SZT2: variants seen among roughly 807,000 people sequenced by gnomAD.
SZT2 encodes the protein KICSTOR complex protein SZT2.
In SZT2, 216 loss-of-function variants were observed where a neutral mutation model predicts 404.2. That is an observed-to-expected ratio of 0.53 (90% confidence interval 0.48 to 0.60). SZT2 has a LOEUF of 0.60. Ranked by LOEUF, SZT2 falls within the 20% of genes least tolerant of loss-of-function variation. The probability of loss-of-function intolerance (pLI) is 0.00; values close to 1 mark genes in which losing one functional copy is unlikely to be tolerated. For missense variants in SZT2, 3,857 were observed against 4,459.2 expected, an observed-to-expected ratio of 0.86 and a Z score of 3.85; for synonymous variants, 1,693 against 1,749.9, an observed-to-expected ratio of 0.97 and a Z score of 0.81.
Position 43,431,831 on chromosome 1 carries a change from C to A in SZT2, c.5204C>A (p.Thr1735Asn), listed in dbSNP as rs968648373. The A allele has an allele frequency of 6.2e-7, 1 of 1,614,112 alleles. No individual in the cohort carries two copies. The highest frequency in any genetic ancestry group is 8.5e-7 in the Non-Finnish European group (1 of 1,180,046). Residue 1735 changes from threonine (T) to asparagine (N), a missense_variant, in exon 36 of 72, where the codon ACC becomes AAC. Thr to Asn is a moderately conservative substitution (Grantham distance 65). This residue lies in a region of SZT2 where 1,725 missense variants were observed against 1,881.0 expected (regional missense o/e 0.92). Coordinates refer to ENST00000634258, the MANE Select transcript of SZT2 (RefSeq NM_001365999.1). Reference protein sequence around the residue: ...AHIHSSPGRSTCLRQTLPLSF... With the variant: ...AHIHSSPGRSNCLRQTLPLSF... The stretch of plus-strand genomic sequence containing the variant: ...ATCCATAGTTCTCCTGGACGCTCCA[C>A]CTGCCTTCGCCAAACTCTGCCACTG...
In SZT2 at chr1:43,453,642, G is replaced by T; in HGVS notation, c.*3162G>T. On this transcript the variant is annotated 3_prime_UTR_variant, in exon 72 of 72. Transcript: ENST00000634258. ...AAGCCGCAGCCCCGCTTCTCGCGCG[G>T]CGCGCGCCAGCGCCTCAGGCGTCTC... The T allele has an allele frequency of 6.7e-7, 1 of 1,490,340 alleles. No homozygotes were observed. 92.3% of individuals were successfully genotyped at this position (1,490,340 alleles called of 1,614,324 possible). A position where few individuals can be genotyped will look rare whatever the true frequency, so the allele number is the denominator to read the frequency against.
In SZT2 at chr1:43,431,783, C is replaced by T. The variant is rs2153934069; in HGVS notation, c.5156C>T (p.Ala1719Val). 2 of 1,614,238 alleles carry T rather than the reference C, an allele frequency of 1.2e-6. No homozygotes were observed. The highest frequency in any genetic ancestry group is 2.2e-5 in the South Asian group (2 of 91,092). Residue 1719 changes from alanine (A) to valine (V), a missense_variant, in exon 36 of 72, where the codon GCC (alanine) becomes GTC (valine). Ala to Val is a moderately conservative substitution (Grantham distance 64). Coordinates refer to ENST00000634258, the MANE Select transcript of SZT2 (RefSeq NM_001365999.1). Reference sequence around the variant, plus strand: ...AGAGGGGGCATCCCACAGAGTCCTGCCCTGCACCGCGCAGCTGCCCATATC... The same window carrying T: ...AGAGGGGGCATCCCACAGAGTCCTGTCCTGCACCGCGCAGCTGCCCATATC... Reference protein sequence around the residue: ...LRRGGIPQSPALHRAAAHIHS... With the variant: ...LRRGGIPQSPVLHRAAAHIHS...
intron 42 of SZT2, chr1:43,436,893 G>GCCTC (rs1254417538): frequency 4.1e-6 from 2 of 490,606 alleles, no homozygotes; most frequent in African/African-American, 3.8e-5. Context: ...TGATCTTGAG[G>GCCTC]ATTTCCTCAT....
Position 43,441,372 on chromosome 1 carries a change from G to C in SZT2, c.7503G>C (p.Gln2501His). 1 of 1,614,168 alleles carries C rather than the reference G, an allele frequency of 6.2e-7. No homozygotes were observed. The highest frequency in any genetic ancestry group is 1.1e-5 in the South Asian group (1 of 91,078). ...CGCCAGGCTCAGATTCTGGAGCCCA[G>C]AGACAAAAGTATGTGTGTGGTGGTG... ...ERAPGSDSGA[Q>H]RQKRRTTQLE... Residue 2501 changes from glutamine (Q) to histidine (H), a missense_variant, in exon 53 of 72, where the codon CAG becomes CAC. Gln to His is a conservative substitution (Grantham distance 24). Around this residue, in one of 7 missense-constraint regions of SZT2, gnomAD observed 573 missense variants for 592.4 expected, o/e 0.97. Transcript: ENST00000634258. This position sits in a 1 kb window ranked among gnomAD's most constrained non-coding sequence, Gnocchi z 4.8.
In SZT2 at chr1:43,440,346, C is replaced by G; in HGVS notation, c.7211-107C>G. The stretch of plus-strand genomic sequence containing the variant: ...AGTTGTATATACTGTCATTCACTGA[C>G]AGGTAGAATAGGTGGCAAGTCACTG... On this transcript the variant is annotated intron_variant, in intron 51 of 71. Transcript: ENST00000634258. 1.3e-5 allele frequency: 19 copies of G among 1,453,784 alleles called. No homozygotes were observed. In the South Asian group the frequency reaches 2.6e-4, roughly 20 times the overall value. 90.1% of individuals were successfully genotyped at this position (1,453,784 alleles called of 1,614,324 possible).
In SZT2 at chr1:43,442,302, T is replaced by G. The variant is rs1338447076; in HGVS notation, c.7908T>G (p.Gly2636=). The G allele has an allele frequency of 1.2e-6, 2 of 1,613,206 alleles. No individual in the cohort carries two copies. Among genetic ancestry groups the G allele is most frequent in the Non-Finnish European group, 1.7e-6 (2 of 1,179,830 alleles). ...AKAMQRFEPG[G]DGSSGRNAPR... The stretch of plus-strand genomic sequence containing the variant: ...CCATGCAGCGCTTCGAGCCAGGAGG[T>G]GATGGGAGCTCAGGGCGAAATGCTC... The change falls in exon 57 of 72, where the codon GGT becomes GGG. Residue 2636 remains glycine (G), a synonymous_variant. Coordinates refer to ENST00000634258, the MANE Select transcript of SZT2 (RefSeq NM_001365999.1). This position sits in a 1 kb window ranked among gnomAD's most constrained non-coding sequence, Gnocchi z 4.5.
rs1314666298 is a variant in SZT2, at chr1:43,448,886, A to G, written c.10086+158A>G. 2.9e-6 allele frequency: 2 copies of G among 690,034 alleles called. No individual in the cohort carries two copies. The highest frequency in any genetic ancestry group is 2.4e-5 in the Admixed American group (1 of 42,252). 42.7% of individuals were successfully genotyped at this position (690,034 alleles called of 1,614,324 possible). A position where few individuals can be genotyped will look rare whatever the true frequency, so the allele number is the denominator to read the frequency against. On this transcript the variant is annotated intron_variant, in intron 70 of 71. Coordinates refer to ENST00000634258, the MANE Select transcript of SZT2 (RefSeq NM_001365999.1). This position sits in a 1 kb window ranked among gnomAD's most constrained non-coding sequence, Gnocchi z 4.2. ...ATGTAAAACCCTTCCAGTACCGGGCATCGAGCTACAGCATGTGATTCTCTG... is the reference window on the plus strand; with the variant it reads ...ATGTAAAACCCTTCCAGTACCGGGCGTCGAGCTACAGCATGTGATTCTCTG...
At position 43,450,659 on chromosome 1, in the gene SZT2, C is replaced by T. The variant is rs945905057; in HGVS notation, c.*179C>T. ...GCTGCCCCAGCCTGGCAGCAGGAAC[C>T]GCCCTCCCCAAACACCCACAGCCAC... On this transcript the variant is annotated 3_prime_UTR_variant, in exon 72 of 72. Coordinates refer to ENST00000634258, the MANE Select transcript of SZT2 (RefSeq NM_001365999.1). This position sits in a 1 kb window ranked among gnomAD's most constrained non-coding sequence, Gnocchi z 4.3. The T allele has an allele frequency of 1.4e-5, 13 of 959,932 alleles. No individual in the cohort carries two copies. The highest frequency in any genetic ancestry group is 5.0e-5 in the East Asian group (2 of 39,648). 59.5% of individuals were successfully genotyped at this position (959,932 alleles called of 1,614,324 possible). A position where few individuals can be genotyped will look rare whatever the true frequency, so the allele number is the denominator to read the frequency against.
chr1:43,425,370 C>T lies in SZT2; in HGVS notation c.2646-104C>T. ...CAGGCAGACGCTGGTCTGGGAAGGC[C>T]TTGTATGACTCGTGGCTGTCCTCTG... On this transcript the variant is annotated intron_variant, in intron 18 of 71. Coordinates refer to ENST00000634258, the MANE Select transcript of SZT2 (RefSeq NM_001365999.1). This position sits in a 1 kb window ranked among gnomAD's most constrained non-coding sequence, Gnocchi z 4.3. The T allele has an allele frequency of 6.5e-7, 1 of 1,549,388 alleles. No individual in the cohort carries two copies. Among genetic ancestry groups the T allele is most frequent in the South Asian group, 1.2e-5 (1 of 82,972 alleles).
chr1:43,424,869 G>T lies in SZT2; in HGVS notation c.2550+7G>T. On this transcript the variant is annotated splice_region_variant and intron_variant, in intron 17 of 71. Transcript: ENST00000634258. This position sits in a 1 kb window ranked among gnomAD's most constrained non-coding sequence, Gnocchi z 4.1. Reference sequence around the variant, plus strand: ...TCTGGAGCTTCCAATTCAGGTACGTGCCATCCCCCATGACACCTCCCTGCC... The same window carrying T: ...TCTGGAGCTTCCAATTCAGGTACGTTCCATCCCCCATGACACCTCCCTGCC... The T allele has an allele frequency of 6.2e-7, 1 of 1,613,532 alleles. No individual in the cohort carries two copies.
Position 43,447,538 on chromosome 1 carries a change from C to G in SZT2, c.9287-7C>G. ...GTGTCTGCTGTCTCCTGTTACTTAT[C>G]CCTCAGGGACATTGGAGCTCCCCAC... On this transcript the variant is annotated splice_polypyrimidine_tract_variant and splice_region_variant and intron_variant, in intron 66 of 71. Coordinates refer to ENST00000634258, the MANE Select transcript of SZT2 (RefSeq NM_001365999.1). The G allele has an allele frequency of 1.9e-6, 3 of 1,613,178 alleles. No homozygotes were observed. The South Asian group carries it at 3.3e-5, about 18-fold the overall frequency.
rs138608633 is a variant in SZT2 at position 43,420,012 on chromosome 1, C to A, written c.1090+68C>A. The A allele has an allele frequency of 1.2e-3, 1,910 of 1,578,056 alleles. 24 individuals carry two copies. The African/African-American group carries it at 0.023, about 19-fold the overall frequency. Reference sequence around the variant, plus strand: ...GAATGGGCCCAGAGATGATGGGGCCCTGGAGGACTGAAAGTGTAACTGGGG... The same window carrying A: ...GAATGGGCCCAGAGATGATGGGGCCATGGAGGACTGAAAGTGTAACTGGGG... On this transcript the variant is annotated intron_variant, in intron 8 of 71. Coordinates refer to ENST00000634258, the MANE Select transcript of SZT2 (RefSeq NM_001365999.1). This position sits in a 1 kb window ranked among gnomAD's most constrained non-coding sequence, Gnocchi z 5.1.
At position 43,425,420 on chromosome 1, in the gene SZT2, G is replaced by A; in HGVS notation, c.2646-54G>A. On this transcript the variant is annotated intron_variant, in intron 18 of 71. Coordinates refer to ENST00000634258, the MANE Select transcript of SZT2 (RefSeq NM_001365999.1). This position sits in a 1 kb window ranked among gnomAD's most constrained non-coding sequence, Gnocchi z 4.3. ...GTGCCTGCCTCCTTCCCTCCATGAGGTTCACTCCCTGCCATGAGGCTGTGC... is the reference window on the plus strand; with the variant it reads ...GTGCCTGCCTCCTTCCCTCCATGAGATTCACTCCCTGCCATGAGGCTGTGC... The A allele has an allele frequency of 6.2e-7, 1 of 1,606,554 alleles. No homozygotes were observed. Among genetic ancestry groups the A allele is most frequent in the South Asian group, 1.1e-5 (1 of 89,914 alleles).
In SZT2 at chr1:43,452,579, TCTC is replaced by T. The variant is rs1656563456; in HGVS notation, c.*2101_*2103del. On this transcript the variant is annotated 3_prime_UTR_variant, in exon 72 of 72. Coordinates refer to ENST00000634258, the MANE Select transcript of SZT2 (RefSeq NM_001365999.1). ...CAAAACCTTTCCTTCCCTCGGTCCT[TCTC>T]CGCAACCTGTAACCTGCTAAATTCT... The T allele has an allele frequency of 3.3e-6, 2 of 609,960 alleles. No individual in the cohort carries two copies. The highest frequency in any genetic ancestry group is 5.9e-6 in the Non-Finnish European group (2 of 338,990). The allele number at this position is 609,960 out of a possible 1,614,324, so 37.8% of individuals were successfully genotyped here.
intron 66 of SZT2, 105 bp from the exon 67 acceptor site, chr1:43,447,440 C>A: frequency 6.8e-7 from 1 of 1,465,944 alleles, no homozygotes; most frequent in Non-Finnish European, 9.2e-7. Flanking sequence ...CAGACCCACT[C>A]TGCCTGCCAG....
intron 65 of SZT2, 185 bp downstream of exon 65, chr1:43,446,601 T>C (rs1284354366): frequency 2.8e-6 from 2 of 720,612 alleles, no homozygotes; most frequent in East Asian, 5.4e-5. Flanking sequence ...ACTACAAGGC[T>C]GACCCCATCG....
At position 43,441,885 on chromosome 1, in the gene SZT2, A is replaced by T; in HGVS notation, c.7742+67A>T. ...CTTCCTAAAAGCTGGGCCTACAGGA[A>T]GCCAAACCTGAGGAAGCTGAGCTAG... is the stretch of plus-strand genomic sequence containing the variant. On this transcript the variant is annotated intron_variant, in intron 55 of 71. Transcript: ENST00000634258. The surrounding 1 kb of genome is among the most constrained non-coding windows in gnomAD (Gnocchi z 4.8). The T allele has an allele frequency of 1.2e-6, 2 of 1,600,890 alleles. No individual in the cohort carries two copies. The highest frequency in any genetic ancestry group is 1.7e-6 in the Non-Finnish European group (2 of 1,170,260).
chr1:43,393,504 G>A (rs576919898), intron 1 of SZT2, among the ~76,000 whole-genome samples: 17 of 152,336 alleles, frequency 1.1e-4, no homozygotes, highest in Admixed American at 4.6e-4. Flanking sequence ...ACTGCGTGGG[G>A]ATTGGTGAGA....
rs1653177205 is a variant in SZT2 at position 43,426,612 on chromosome 1, G to A, written c.3214+74G>A. The A allele has an allele frequency of 1.3e-6, 2 of 1,514,370 alleles. No homozygotes were observed. Among genetic ancestry groups the A allele is most frequent in the Non-Finnish European group, 8.9e-7 (1 of 1,125,720 alleles). The allele number at this position is 1,514,370 out of a possible 1,614,324, so 93.8% of individuals were successfully genotyped here. Reference sequence around the variant, plus strand: ...CCCCCACCCTCACAGGGTGATTTCTGTCTTTGAGTTTTGGCTTTCCCCTTC... The same window carrying A: ...CCCCCACCCTCACAGGGTGATTTCTATCTTTGAGTTTTGGCTTTCCCCTTC... On this transcript the variant is annotated intron_variant, in intron 22 of 71. Transcript: ENST00000634258. This position sits in a 1 kb window ranked among gnomAD's most constrained non-coding sequence, Gnocchi z 4.9.
Sources: gnomAD v4.1 joint callset for allele counts (sites outside exome capture counted in the v4.1 genomes callset) on GRCh38, gnomAD v4.1.1 for gene constraint, gnomAD v4.1.1 regional missense constraint, Gnocchi (gnomAD v3.1) non-coding constraint, MANE v1.5 for transcripts, NCBI Gene and HGNC (gene_info 2026-07-23, HGNC 2026-07-21) for gene names.